The following HPSE2 variants were observed in gnomAD, a reference collection of about 807,000 sequenced individuals.
HPSE2 encodes inactive heparanase-2.
A neutral mutation model predicts 60.5 loss-of-function variants in HPSE2; 38 were observed. That is an observed-to-expected ratio of 0.63 (90% CI 0.48 to 0.82). The LOEUF (loss-of-function observed/expected upper bound fraction) is 0.82. Ranked by LOEUF, HPSE2 falls within the 40% of genes least tolerant of loss-of-function variation. The pLI is 0.00. For missense variants in HPSE2, 713 were observed against 740.4 expected (o/e 0.96, Z 0.43); for synonymous variants, 295 against 293.2 (o/e 1.01, Z -0.06).
At chr10:98,697,251 G>T (rs1190347276) in intron 5 of HPSE2, among the ~76,000 whole-genome samples, 1 of 152,188 alleles carries the variant, frequency 6.6e-6, no homozygotes, top group Non-Finnish European at 1.5e-5. Context: ...AAGAAGCTAA[G>T]AATCTTGATT....
chr10:98,600,878 T>TATATAC (rs1332097173), intron 9 of HPSE2, among the ~76,000 whole-genome samples: 1 of 139,254 alleles, frequency 7.2e-6, no homozygotes, highest in Non-Finnish European at 1.5e-5. Context: ...TATATATGTA[T>TATATAC]ATATACATAT....
intron 2 of HPSE2, among the ~76,000 whole-genome samples, chr10:99,148,400 A>T (rs1421061858): frequency 6.6e-6 from 1 of 152,222 alleles, no homozygotes; most frequent in Non-Finnish European, 1.5e-5. Context: ...TTGTGGTATT[A>T]CATATTTCCA....
intron 6 of HPSE2, among the ~76,000 whole-genome samples, chr10:98,642,418 T>C (rs1245960246): frequency 2.0e-5 from 3 of 152,178 alleles, no homozygotes; most frequent in South Asian, 2.1e-4. Flanking sequence ...TGACTTAGTG[T>C]AGTGAGTGAG....
chr10:98,944,200 C>T (rs1955110982), intron 3 of HPSE2, among the ~76,000 whole-genome samples: 1 of 151,998 alleles, frequency 6.6e-6, no homozygotes, highest in African/African-American at 2.4e-5. Context: ...GACATGAGTC[C>T]ATAAGTGCCC....
chr10:98,902,549 C>T (rs975874964), intron 3 of HPSE2, among the ~76,000 whole-genome samples: 9 of 152,096 alleles, frequency 5.9e-5, no homozygotes, highest in Admixed American at 6.6e-5. Flanking sequence ...GGACAAGTTA[C>T]TCACCCTCTC....
chr10:98,507,947 C>T (rs1258618018), intron 9 of HPSE2, among the ~76,000 whole-genome samples: 1 of 152,024 alleles, frequency 6.6e-6, no homozygotes, highest in Non-Finnish European at 1.5e-5. Flanking sequence ...AGAAAGAATA[C>T]ACAGACACAT....
the HPSE2 span, among the ~76,000 whole-genome samples, chr10:99,313,968 A>G: frequency 6.6e-6 from 1 of 152,214 alleles, no homozygotes; most frequent in East Asian, 1.9e-4. Context: ...CGTGCTACAG[A>G]GAAATCTTTT....
At chr10:99,190,030 C>T (rs1848166048) in intron 2 of HPSE2, among the ~76,000 whole-genome samples, 1 of 152,148 alleles carries the variant, frequency 6.6e-6, no homozygotes, top group Admixed American at 6.6e-5. Flanking sequence ...TCTCTATGGG[C>T]TTTTTCTAAC....
the HPSE2 span, among the ~76,000 whole-genome samples, chr10:99,263,929 A>T: frequency 6.6e-6 from 1 of 151,628 alleles, no homozygotes; most frequent in South Asian, 2.1e-4. Flanking sequence ...GACAGGACAC[A>T]CTCCAGTACT....
intron 4 of HPSE2, among the ~76,000 whole-genome samples, chr10:98,725,746 A>G (rs993546844): frequency 2.6e-5 from 4 of 152,204 alleles, no homozygotes; most frequent in African/African-American, 9.6e-5. Flanking sequence ...CTCATCTGAC[A>G]AAGGGCTAAT....
At chr10:98,791,213 G>A (rs1950648238) in intron 3 of HPSE2, among the ~76,000 whole-genome samples, 1 of 152,120 alleles carries the variant, frequency 6.6e-6, no homozygotes, top group South Asian at 2.1e-4. Flanking sequence ...AATGAATGCT[G>A]GAATTGACTG....
At chr10:98,879,778 G>A (rs756456597) in intron 3 of HPSE2, among the ~76,000 whole-genome samples, 23 of 151,768 alleles carry the variant, frequency 1.5e-4, no homozygotes, top group Non-Finnish European at 3.1e-4. Context: ...TGGCGTTGGT[G>A]GACCTCAAGA....
chr10:98,546,820 C>A (rs1400407849), intron 9 of HPSE2, among the ~76,000 whole-genome samples: 39 of 149,448 alleles, frequency 2.6e-4, no homozygotes, highest in African/African-American at 8.7e-4. Flanking sequence ...TAATTAAACT[C>A]AAGAGCTTCT....
At chr10:98,746,445 T>C (rs2134338063) in intron 3 of HPSE2, among the ~76,000 whole-genome samples, 1 of 152,112 alleles carries the variant, frequency 6.6e-6, no homozygotes, top group South Asian at 2.1e-4. Flanking sequence ...CATTTTATAT[T>C]CAAAATAATA....
At chr10:99,298,374 A>T in the HPSE2 span, among the ~76,000 whole-genome samples, 1 of 152,380 alleles carries the variant, frequency 6.6e-6, no homozygotes, top group Admixed American at 6.5e-5. Flanking sequence ...GGCATTTACT[A>T]AACTTAGGCT....
chr10:98,559,601 C>T (rs1315873567), intron 9 of HPSE2, among the ~76,000 whole-genome samples: 4 of 152,180 alleles, frequency 2.6e-5, no homozygotes, highest in African/African-American at 7.2e-5. Context: ...CATCCGCTCA[C>T]TCACCGACCG....
intron 2 of HPSE2, among the ~76,000 whole-genome samples, chr10:99,180,331 T>C (rs766076602): frequency 1.2e-4 from 18 of 152,060 alleles, no homozygotes; most frequent in Non-Finnish European, 2.2e-4. Context: ...ACCTACAGCA[T>C]GAGAGAAAAT....
intron 11 of HPSE2, among the ~76,000 whole-genome samples, chr10:98,481,567 A>G (rs1162215939): frequency 6.6e-6 from 1 of 152,232 alleles, no homozygotes; most frequent in Non-Finnish European, 1.5e-5. Flanking sequence ...GCCAGAAAAA[A>G]GAGCCAGCAT....
the HPSE2 span, among the ~76,000 whole-genome samples, chr10:99,314,928 A>T: frequency 1.3e-5 from 2 of 152,116 alleles, no homozygotes; most frequent in South Asian, 4.2e-4. Context: ...GTCTTTCTTC[A>T]ATTTGGTTGA....
Sources: gnomAD v4.1 joint callset for allele counts (sites outside exome capture counted in the v4.1 genomes callset) on GRCh38, gnomAD v4.1.1 for gene constraint, MANE v1.5 for transcripts, NCBI Gene and HGNC (gene_info 2026-07-23, HGNC 2026-07-21) for gene names.